The following PTPN11 variants were observed in gnomAD, a reference collection of about 807,000 sequenced individuals.
The protein encoded by PTPN11 is tyrosine-protein phosphatase non-receptor type 11.
In PTPN11, 6 loss-of-function variants were observed where a neutral mutation model predicts 78.8. The observed-to-expected ratio is 0.08, with a 90% CI of 0.04 to 0.15. PTPN11 has a LOEUF of 0.15. PTPN11 is among the 10% of genes least tolerant of loss of function. The pLI, the probability that PTPN11 is intolerant of heterozygous loss-of-function variation, is 1.00. For missense variants in PTPN11, 386 were observed against 744.8 expected, an observed-to-expected ratio of 0.52 and a Z score of 5.61; for synonymous variants, 221 against 263.5, an observed-to-expected ratio of 0.84 and a Z score of 1.56.
intron 1 of PTPN11, among the ~76,000 whole-genome samples, chr12:112,438,627 G>A (rs922650148): frequency 6.6e-6 from 1 of 152,016 alleles, no homozygotes; most frequent in African/African-American, 2.4e-5. Flanking sequence ...GACTGCAGGT[G>A]CATGCCACCA....
intron 14 of PTPN11, among the ~76,000 whole-genome samples, chr12:112,503,137 G>A (rs1293552005): frequency 6.6e-6 from 1 of 152,134 alleles, no homozygotes; most frequent in African/African-American, 2.4e-5. Flanking sequence ...ACAAAACAAA[G>A]ACCCAATAAC....
chr12:112,431,659 A>G (rs1302723003), intron 1 of PTPN11, among the ~76,000 whole-genome samples: 1 of 152,214 alleles, frequency 6.6e-6, no homozygotes, highest in East Asian at 1.9e-4. Context: ...ACCAGGGGCC[A>G]TGCCGTACAG....
chr12:112,477,584 C>A, intron 7 of PTPN11, 67 bp from the exon 8 acceptor site: 1 of 1,267,242 alleles, frequency 7.9e-7, no homozygotes, highest in Non-Finnish European at 1.2e-6. Flanking sequence ...TGGGGAGTAA[C>A]TGATTTGAAC....
chr12:112,503,235 T>A (rs1415518166), intron 14 of PTPN11, among the ~76,000 whole-genome samples: 1 of 152,200 alleles, frequency 6.6e-6, no homozygotes, highest in Non-Finnish European at 1.5e-5. Flanking sequence ...TTCCCAGAAA[T>A]CCTTCCCGAC....
chr12:112,458,896 G>A (rs1323562416), intron 6 of PTPN11, among the ~76,000 whole-genome samples: 1 of 152,100 alleles, frequency 6.6e-6, no homozygotes, highest in Non-Finnish European at 1.5e-5. Flanking sequence ...AGCTGGGTGT[G>A]GGGGTGCGCA....
At chr12:112,485,387 G>T (rs1450821944) in intron 10 of PTPN11, among the ~76,000 whole-genome samples, 1 of 152,100 alleles carries the variant, frequency 6.6e-6, no homozygotes, top group African/African-American at 2.4e-5. Flanking sequence ...TGTAGCCTTG[G>T]TGCCATTGTT....
At chr12:112,481,216 AACAG>A (rs1485091920) in intron 9 of PTPN11, among the ~76,000 whole-genome samples, 1 of 152,188 alleles carries the variant, frequency 6.6e-6, no homozygotes, top group Non-Finnish European at 1.5e-5. Context: ...GCGGAAATGA[AACAG>A]ACAGTCTGGC....
chr12:112,434,477 G>A (rs1594133957), intron 1 of PTPN11, among the ~76,000 whole-genome samples: 2 of 151,808 alleles, frequency 1.3e-5, no homozygotes, highest in South Asian at 2.1e-4. Context: ...GCATGGTGGC[G>A]TGCACCTGTA....
chr12:112,423,832 G>A (rs1241295705), intron 1 of PTPN11, among the ~76,000 whole-genome samples: 2 of 144,542 alleles, frequency 1.4e-5, no homozygotes, highest in Non-Finnish European at 3.0e-5. Flanking sequence ...CTGCAGCCTC[G>A]ACCTCCTGGG....
chr12:112,489,672 C>G (rs1474039710), intron 13 of PTPN11, among the ~76,000 whole-genome samples: 1 of 152,148 alleles, frequency 6.6e-6, no homozygotes, highest in South Asian at 2.1e-4. Context: ...TGGAGCCTTT[C>G]CATCTGAAGC....
chr12:112,474,518 G>T (rs2038468905), intron 7 of PTPN11, among the ~76,000 whole-genome samples: 1 of 152,046 alleles, frequency 6.6e-6, no homozygotes, highest in African/African-American at 2.4e-5. Context: ...GTGCCTGGCT[G>T]TACCTTCTGT....
intron 6 of PTPN11, among the ~76,000 whole-genome samples, chr12:112,462,283 A>C (rs887297463): frequency 6.6e-6 from 1 of 152,154 alleles, no homozygotes; most frequent in Non-Finnish European, 1.5e-5. Flanking sequence ...GCTTAAGCCC[A>C]GGAGTTTGAA....
intron 2 of PTPN11, among the ~76,000 whole-genome samples, chr12:112,447,313 G>A (rs779932868): frequency 1.3e-5 from 2 of 152,054 alleles, no homozygotes; most frequent in African/African-American, 2.4e-5. Context: ...TTCCCCAGAG[G>A]AAACCACCAA....
intron 13 of PTPN11, among the ~76,000 whole-genome samples, chr12:112,491,146 G>A (rs570595854): frequency 1.3e-5 from 2 of 152,238 alleles, no homozygotes; most frequent in Admixed American, 6.5e-5. Context: ...AAAATCAGAT[G>A]TGGGAATCCA....
intron 14 of PTPN11, among the ~76,000 whole-genome samples, chr12:112,503,460 A>G (rs2038901290): frequency 6.6e-6 from 1 of 152,176 alleles, no homozygotes; most frequent in Admixed American, 6.5e-5. Context: ...GGTGGCATAT[A>G]TGAGGTTTGT....
chr12:112,447,252 G>A (rs555217575), intron 2 of PTPN11, among the ~76,000 whole-genome samples: 34 of 152,018 alleles, frequency 2.2e-4, no homozygotes, highest in Non-Finnish European at 4.0e-4. Flanking sequence ...ACATGACTGA[G>A]GAAGTTGTGG....
chr12:112,487,040 G>A (rs935945111), intron 11 of PTPN11: 2 of 474,864 alleles, frequency 4.2e-6, no homozygotes, highest in Non-Finnish European at 6.1e-6. Context: ...GATCCCTTAA[G>A]TCATTTTTGC....
intron 13 of PTPN11, among the ~76,000 whole-genome samples, chr12:112,498,513 A>G (rs1206895267): frequency 6.6e-6 from 1 of 152,152 alleles, no homozygotes; most frequent in Non-Finnish European, 1.5e-5. Flanking sequence ...AAGGTTTATG[A>G]ATGTAATCAG....
At chr12:112,453,532 T>A (rs532322476) in intron 4 of PTPN11, 145 bp downstream of exon 4, 1 of 729,648 alleles carries the variant, frequency 1.4e-6, no homozygotes, top group Non-Finnish European at 2.2e-6. Context: ...GACAGGGTCT[T>A]GCTCTATCAC....
Sources: gnomAD v4.1 joint callset for allele counts (sites outside exome capture counted in the v4.1 genomes callset) on GRCh38, gnomAD v4.1.1 for gene constraint, MANE v1.5 for transcripts, NCBI Gene and HGNC (gene_info 2026-07-23, HGNC 2026-07-21) for gene names.